Variants in MRC2 observed in about 807,000 individuals in gnomAD.
The protein encoded by MRC2 is C-type mannose receptor 2.
MRC2 carries 84 observed loss-of-function variants against 206.2 expected under a neutral mutation model. The ratio of observed to expected loss-of-function variants is 0.41; its 90% CI spans 0.34 to 0.49. The LOEUF is 0.49. Among genes scored for constraint, MRC2 ranks in the 20% least tolerant of loss-of-function variants. The pLI, the probability that MRC2 is intolerant of heterozygous loss-of-function variation, is 0.31. For missense variants in MRC2, 1,676 were observed against 2,001.5 expected, an observed-to-expected ratio of 0.84 and a Z score of 3.10; for synonymous variants, 798 against 800.0, an observed-to-expected ratio of 1.00 and a Z score of 0.04.
intron 1 of MRC2, among the ~76,000 whole-genome samples, chr17:62,638,841 C>A (rs942402078): frequency 4.6e-5 from 7 of 151,932 alleles, no homozygotes; most frequent in Non-Finnish European, 8.8e-5. Flanking sequence ...GAACTCCTAA[C>A]CCTGGAGGCC....
intron 2 of MRC2, among the ~76,000 whole-genome samples, chr17:62,665,264 G>C (rs1356083964): frequency 6.6e-6 from 1 of 151,932 alleles, no homozygotes; most frequent in Non-Finnish European, 1.5e-5. Flanking sequence ...GCCAGGTGTG[G>C]TGGAGCATGC....
At chr17:62,673,507 CTTTTTTTTT>C (rs55974246) in intron 8 of MRC2, among the ~76,000 whole-genome samples, 1 of 119,702 alleles carries the variant, frequency 8.4e-6, no homozygotes, top group East Asian at 2.4e-4. Context: ...GACGCCTTTC[CTTTTTTTTT>C]TTTTTTTTTT....
At chr17:62,657,259 G>A (rs538861504) in intron 1 of MRC2, among the ~76,000 whole-genome samples, 1 of 152,300 alleles carries the variant, frequency 6.6e-6, no homozygotes, top group South Asian at 2.1e-4. Context: ...ATGGTGATAA[G>A]GGCTGGGATC....
intron 20 of MRC2, among the ~76,000 whole-genome samples, chr17:62,682,986 T>C (rs2088988197): frequency 6.6e-6 from 1 of 152,124 alleles, no homozygotes; most frequent in African/African-American, 2.4e-5. Context: ...GAACTCCTAT[T>C]AGTAAAACAA....
chr17:62,650,259 G>C (rs2088540142), intron 1 of MRC2, among the ~76,000 whole-genome samples: 1 of 152,150 alleles, frequency 6.6e-6, no homozygotes, highest in Admixed American at 6.5e-5. Flanking sequence ...AAGGGTACAA[G>C]CATGATACTA....
In MRC2 at chr17:62,691,075, G is replaced by A. The variant is rs766530059; in HGVS notation, c.4139G>A (p.Arg1380His). 8.1e-6 allele frequency: 13 copies of A among 1,609,446 alleles called. No homozygotes were observed. The East Asian group carries it at 2.0e-4, about 25-fold the overall frequency. Reference sequence around the variant, plus strand: ...ATTCAGAGCAACAGCGGGCTATGGCGCCCCGGCGCTTGCACCAACATCACC... The same window carrying A: ...ATTCAGAGCAACAGCGGGCTATGGCACCCCGGCGCTTGCACCAACATCACC... ...YWIQSNSGLW[R>H]PGACTNITMG... The change falls in exon 28 of 30, where the codon CGC becomes CAC. Residue 1380 changes from arginine (R) to histidine (H), a missense_variant. By Grantham distance (29) the Arg-to-His change is conservative. Coordinates refer to ENST00000303375, the MANE Select transcript of MRC2 (RefSeq NM_006039.5).
chr17:62,627,905 G>A lies in MRC2; in HGVS notation c.103G>A (p.Asp35Asn). The A allele has an allele frequency of 6.8e-7, 1 of 1,465,890 alleles. No individual in the cohort carries two copies. The highest frequency in any genetic ancestry group is 9.0e-7 in the Non-Finnish European group (1 of 1,115,700). 90.8% of individuals were successfully genotyped at this position (1,465,890 alleles called of 1,614,324 possible). A position where few individuals can be genotyped will look rare whatever the true frequency, so the allele number is the denominator to read the frequency against. The change falls in exon 1 of 30, where the codon GAC (aspartate) becomes AAC (asparagine). Residue 35 changes from aspartate to asparagine, a missense_variant. Physicochemically the swap from Asp to Asn is conservative, Grantham distance 23 (BLOSUM62 1). Around this residue, in one of 3 missense-constraint regions of MRC2, gnomAD observed 318 missense variants for 346.7 expected, o/e 0.92. Coordinates refer to ENST00000303375, the MANE Select transcript of MRC2 (RefSeq NM_006039.5). ...CCTCGGCCGTCCCGGCGCCCCTGGG[G>A]ACGCCGCCCTCCCGGGTAAGGCGCT... is the stretch of plus-strand genomic sequence containing the variant. ...LHLGRPGAPGDAALPEPNVFL... is the reference protein window; with the variant it reads ...LHLGRPGAPGNAALPEPNVFL...
chr17:62,642,127 T>A (rs2088412894), intron 1 of MRC2, among the ~76,000 whole-genome samples: 1 of 152,222 alleles, frequency 6.6e-6, no homozygotes, highest in Admixed American at 6.5e-5. Context: ...ATGTCCTTTA[T>A]AGCTGTTTTA....
Position 62,627,873 on chromosome 17 carries a change from G to T in MRC2, c.71G>T (p.Cys24Phe). 4 of 1,475,398 alleles carry T rather than the reference G, an allele frequency of 2.7e-6. No homozygotes were observed. The highest frequency in any genetic ancestry group is 2.7e-6 in the Non-Finnish European group (3 of 1,120,246). The allele number at this position is 1,475,398 out of a possible 1,614,324, so 91.4% of individuals were successfully genotyped here. A position where few individuals can be genotyped will look rare whatever the true frequency, so the allele number is the denominator to read the frequency against. Residue 24 changes from cysteine to phenylalanine, a missense_variant, in exon 1 of 30, where the codon TGC becomes TTC. By Grantham distance (205) the Cys-to-Phe change is radical (BLOSUM62 -2). Transcript: ENST00000303375. ...CTGCGCTGCGTCCTGCTCCTCGGGTGCCTGCACCTCGGCCGTCCCGGCGCC... is the reference window on the plus strand; with the variant it reads ...CTGCGCTGCGTCCTGCTCCTCGGGTTCCTGCACCTCGGCCGTCCCGGCGCC... ...HLLRCVLLLG[C>F]LHLGRPGAPG... is the part of the protein sequence containing the mutation.
chr17:62,680,029 G>C lies in MRC2; in HGVS notation c.2298+127G>C. 6.7e-7 allele frequency: 1 copy of C among 1,503,578 alleles called. No homozygotes were observed. The highest frequency in any genetic ancestry group is 9.0e-7 in the Non-Finnish European group (1 of 1,108,668). 93.1% of individuals were successfully genotyped at this position (1,503,578 alleles called of 1,614,324 possible). ...GGCCCCCAGTCGGAGCCGGCTTCAG[G>C]AAAGCAGGTCCGAGAGGGGTCACCC... On this transcript the variant is annotated intron_variant, in intron 14 of 29. Coordinates refer to ENST00000303375, the MANE Select transcript of MRC2 (RefSeq NM_006039.5). The surrounding 1 kb of genome is among the most constrained non-coding windows in gnomAD (Gnocchi z 4.8).
At chr17:62,681,990 C>G (rs1044795671) in intron 19 of MRC2, 53 bp downstream of exon 19, 47 of 1,424,634 alleles carry the variant, frequency 3.3e-5, no homozygotes, top group Middle Eastern at 1.8e-4. Context: ...AGGGTTAATG[C>G]TGGGCGAGCC....
intron 10 of MRC2, among the ~76,000 whole-genome samples, 163 bp from the exon 11 acceptor site, chr17:62,676,220 G>A (rs2088889792): frequency 6.6e-6 from 1 of 152,152 alleles, no homozygotes; most frequent in African/African-American, 2.4e-5. Flanking sequence ...AGGGGCAGCT[G>A]GGGGTTCCAT....
Position 62,672,633 on chromosome 17 carries a change from T to A in MRC2, c.1461+481T>A, listed in dbSNP as rs2088840475. Among the ~76,000 whole-genome samples the A allele has an allele frequency of 6.6e-6, 1 of 152,074 alleles. No individual in the cohort carries two copies. The highest frequency in any genetic ancestry group is 2.4e-5 in the African/African-American group (1 of 41,400). On this transcript the variant is annotated intron_variant, in intron 8 of 29. Coordinates refer to ENST00000303375, the MANE Select transcript of MRC2 (RefSeq NM_006039.5). This position sits in a 1 kb window ranked among gnomAD's most constrained non-coding sequence, Gnocchi z 4.5. ...TATGACAATTTGCCATGGTTTGGGCTTAGATGTGGTGTAAGTGAAGGAATT... is the reference window on the plus strand; with the variant it reads ...TATGACAATTTGCCATGGTTTGGGCATAGATGTGGTGTAAGTGAAGGAATT...
At chr17:62,687,948 C>T (rs1270656523) in intron 20 of MRC2, among the ~76,000 whole-genome samples, 2 of 152,104 alleles carry the variant, frequency 1.3e-5, no homozygotes, top group African/African-American at 4.8e-5. Flanking sequence ...GGATGTCAGA[C>T]AACATTCGGA....
intron 1 of MRC2, among the ~76,000 whole-genome samples, chr17:62,649,810 C>A (rs1251249058): frequency 2.0e-5 from 3 of 149,538 alleles, no homozygotes; most frequent in Admixed American, 1.3e-4. Flanking sequence ...GGGCAGCAGA[C>A]CCCCCCCGCC....
intron 20 of MRC2, among the ~76,000 whole-genome samples, chr17:62,683,217 C>A (rs1035150716): frequency 6.6e-6 from 1 of 151,702 alleles, no homozygotes; most frequent in Non-Finnish European, 1.5e-5. Flanking sequence ...GCCTGTAATC[C>A]CAGCCCTTTG....
intron 20 of MRC2, among the ~76,000 whole-genome samples, chr17:62,687,277 C>T (rs925222705): frequency 3.9e-5 from 6 of 152,220 alleles, no homozygotes; most frequent in African/African-American, 1.4e-4. Context: ...TCTCCTGCCT[C>T]AGCCTCCCAA....
At position 62,629,761 on chromosome 17, in the gene MRC2, G is replaced by A. The variant is rs1366356805; in HGVS notation, c.118+1841G>A. ...CAGCCCCTAGTACCTGGTGAATTAC[G>A]TTGTTGTTGGGAGGAATTCACCAGC... On this transcript the variant is annotated intron_variant, in intron 1 of 29. Transcript: ENST00000303375. Among the ~76,000 whole-genome samples the A allele has an allele frequency of 2.6e-5, 4 of 152,344 alleles. No homozygotes were observed. In the East Asian group the frequency reaches 7.7e-4, roughly 29 times the overall value.
chr17:62,688,929 G>T lies in MRC2; in HGVS notation c.3303G>T (p.Glu1101Asp). ...GGGACGATCGGAGCTGCACGGAGGA[G>T]ACCCATGGCTTCATCTGCCAGAAGG... is the stretch of plus-strand genomic sequence containing the variant. ...GRWDDRSCTE[E>D]THGFICQKGT... Residue 1101 changes from glutamate to aspartate, a missense_variant, in exon 23 of 30, where the codon GAG becomes GAT. By Grantham distance (45) the Glu-to-Asp change is conservative (BLOSUM62 2). Transcript: ENST00000303375. 4 of 1,613,834 alleles carry T rather than the reference G, an allele frequency of 2.5e-6. No individual in the cohort carries two copies. Among genetic ancestry groups the T allele is most frequent in the South Asian group, 1.1e-5 (1 of 91,038 alleles).
Sources: gnomAD v4.1 joint callset for allele counts (sites outside exome capture counted in the v4.1 genomes callset) on GRCh38, gnomAD v4.1.1 for gene constraint, gnomAD v4.1.1 regional missense constraint, Gnocchi (gnomAD v3.1) non-coding constraint, MANE v1.5 for transcripts, NCBI Gene and HGNC (gene_info 2026-07-23, HGNC 2026-07-21) for gene names.